Variants in TLN2 observed in about 807,000 individuals in gnomAD.
TLN2 encodes talin 2.
In TLN2, 118 loss-of-function variants were observed where a neutral mutation model predicts 294.7. The observed-to-expected ratio is 0.40, with a 90% CI of 0.34 to 0.47. The LOEUF (loss-of-function observed/expected upper bound fraction) is 0.47. Ranked by LOEUF, TLN2 falls within the 20% of genes least tolerant of loss-of-function variation. The pLI, the probability that TLN2 is intolerant of heterozygous loss-of-function variation, is 0.84. For missense variants in TLN2, 3,083 were observed against 3,282.2 expected, an observed-to-expected ratio of 0.94 and a Z score of 1.48; for synonymous variants, 1,431 against 1,304.5, an observed-to-expected ratio of 1.10 and a Z score of -2.09.
intron 7 of TLN2, 85 bp from the exon 8 acceptor site, chr15:62,655,859 T>C (rs1228529668): frequency 3.4e-6 from 5 of 1,454,136 alleles, no homozygotes; most frequent in Non-Finnish European, 4.7e-6. Flanking sequence ...TACAGAAATC[T>C]GCATCACACT....
chr15:62,465,646 A>G (rs1595870872), intron 1 of TLN2, among the ~76,000 whole-genome samples: 1 of 152,206 alleles, frequency 6.6e-6, no homozygotes, highest in African/African-American at 2.4e-5. Flanking sequence ...CATTTTCTCT[A>G]TCCATGAAAC....
intron 1 of TLN2, among the ~76,000 whole-genome samples, chr15:62,589,108 G>A (rs938575749): frequency 1.3e-5 from 2 of 151,982 alleles, no homozygotes; most frequent in East Asian, 1.9e-4. Context: ...TCACACAGGC[G>A]CCTGTTCCTT....
intron 54 of TLN2, 127 bp downstream of exon 54, chr15:62,820,737 A>G (rs2067491842): frequency 7.3e-6 from 9 of 1,233,988 alleles, no homozygotes; most frequent in Middle Eastern, 2.9e-4. Flanking sequence ...CAAGCAGAAA[A>G]CCGGATCTAC....
At chr15:62,449,436 G>A (rs917790187) in intron 1 of TLN2, among the ~76,000 whole-genome samples, 14 of 152,122 alleles carry the variant, frequency 9.2e-5, no homozygotes, top group Non-Finnish European at 1.9e-4. Flanking sequence ...AGCTGGCAGA[G>A]GGCAGGAAAG....
At chr15:62,769,526 T>C (rs2063221098) in intron 41 of TLN2, among the ~76,000 whole-genome samples, 1 of 152,242 alleles carries the variant, frequency 6.6e-6, no homozygotes, top group Admixed American at 6.5e-5. Context: ...AACCTCTCTG[T>C]AAGATAACCA....
At chr15:62,437,752 G>GTGTGTGTGTGT (rs1555407259) in intron 1 of TLN2, among the ~76,000 whole-genome samples, 1 of 150,310 alleles carries the variant, frequency 6.7e-6, no homozygotes, top group Non-Finnish European at 1.5e-5. Flanking sequence ...ACACCATGGG[G>GTGTGTGTGTGT]GTGTGTGTGT....
At chr15:62,474,697 C>T (rs1187310074) in intron 1 of TLN2, among the ~76,000 whole-genome samples, 2 of 152,180 alleles carry the variant, frequency 1.3e-5, no homozygotes, top group East Asian at 1.9e-4. Flanking sequence ...TTTAAATGGA[C>T]CCTGAGGCTG....
chr15:62,776,790 A>G lies in TLN2; in HGVS notation c.5394A>G (p.Thr1798=). 6.3e-7 allele frequency: 1 copy of G among 1,591,080 alleles called. No individual in the cohort carries two copies. The highest frequency in any genetic ancestry group is 8.6e-7 in the Non-Finnish European group (1 of 1,167,528). The part of the protein sequence containing the change: ...PKAQHTHDAI[T]EAAQLMKEAV... ...CACAACACACCCATGACGCCATCAC[A>G]GAGGCCGCCCAGTTGATGAAGGAAG... The change falls in exon 43 of 59, where the codon ACA becomes ACG. Residue 1798 remains threonine, a synonymous_variant. Transcript: ENST00000636159.
At chr15:62,407,632 C>T (rs2033485822) in intron 1 of TLN2, among the ~76,000 whole-genome samples, 2 of 152,224 alleles carry the variant, frequency 1.3e-5, no homozygotes, top group Admixed American at 6.5e-5. Context: ...AAGGTGCTTA[C>T]TGGGCTGGGC....
intron 38 of TLN2, 134 bp from the exon 39 acceptor site, chr15:62,762,138 C>A: frequency 9.1e-7 from 1 of 1,095,280 alleles, no homozygotes; most frequent in Non-Finnish European, 1.3e-6. Flanking sequence ...ATCCAGTCTT[C>A]ATGGTTCCCT....
At chr15:62,427,586 G>T (rs139354045) in intron 1 of TLN2, among the ~76,000 whole-genome samples, 1 of 152,196 alleles carries the variant, frequency 6.6e-6, no homozygotes, top group Non-Finnish European at 1.5e-5. Context: ...GATGAGACCA[G>T]CCTGGCACTC....
Position 62,459,319 on chromosome 15 carries a change from T to A in TLN2, c.-238+68634T>A, listed in dbSNP as rs897888657. 2.0e-4 allele frequency among the ~76,000 whole-genome samples: 21 copies of A among 106,196 alleles called. 1 individual carries two copies. Among genetic ancestry groups the A allele is most frequent in the Admixed American group, 7.5e-4 (7 of 9,312 alleles). The allele number at this position is 106,196 out of a possible 152,430, so 69.7% of individuals were successfully genotyped here. A position where few individuals can be genotyped will look rare whatever the true frequency, so the allele number is the denominator to read the frequency against. The stretch of plus-strand genomic sequence containing the variant: ...TCGGCCTTTTTTTTTTTTTTTTTTT[T>A]AAGTAAAATGGAGATCAGTTTGCTG... On this transcript the variant is annotated intron_variant, in intron 1 of 58. Transcript: ENST00000636159.
chr15:62,409,635 T>A (rs2459898), intron 1 of TLN2, among the ~76,000 whole-genome samples: 38,173 of 152,104 alleles, frequency 0.25, 5,685 homozygotes, highest in East Asian at 0.62. Flanking sequence ...ATTTTTGGAG[T>A]TAATTCAAGG....
chr15:62,728,065 C>T (rs751218193), intron 28 of TLN2, among the ~76,000 whole-genome samples: 6 of 152,192 alleles, frequency 3.9e-5, no homozygotes, highest in Admixed American at 1.3e-4. Context: ...CAAGAAGCCA[C>T]TACCAGGATC....
intron 2 of TLN2, among the ~76,000 whole-genome samples, chr15:62,604,423 G>C (rs1057279083): frequency 1.3e-5 from 2 of 150,916 alleles, no homozygotes; most frequent in Non-Finnish European, 2.9e-5. Context: ...TGCACCTCCC[G>C]TCCCAGCCAC....
At chr15:62,579,066 G>C (rs534621790) in intron 1 of TLN2, among the ~76,000 whole-genome samples, 1 of 152,204 alleles carries the variant, frequency 6.6e-6, no homozygotes, top group African/African-American at 2.4e-5. Context: ...TTAGAAAATG[G>C]GGGCCTTGGG....
chr15:62,551,992 T>G (rs548850314), intron 1 of TLN2, among the ~76,000 whole-genome samples: 11 of 152,344 alleles, frequency 7.2e-5, no homozygotes, highest in African/African-American at 2.4e-4. Flanking sequence ...GACAAAACAT[T>G]GACTTTATTC....
intron 1 of TLN2, among the ~76,000 whole-genome samples, chr15:62,484,234 T>G (rs1335792295): frequency 6.6e-6 from 1 of 152,180 alleles, no homozygotes; most frequent in East Asian, 1.9e-4. Context: ...GCTAGTGCTC[T>G]GGGCCACTGG....
intron 1 of TLN2, among the ~76,000 whole-genome samples, chr15:62,392,041 T>C (rs913710229): frequency 1.3e-5 from 2 of 152,262 alleles, no homozygotes; most frequent in African/African-American, 4.8e-5. Context: ...GCCTGGCCTG[T>C]GGTCGCCCCG....
Sources: gnomAD v4.1 joint callset for allele counts (sites outside exome capture counted in the v4.1 genomes callset) on GRCh38, gnomAD v4.1.1 for gene constraint, MANE v1.5 for transcripts, NCBI Gene and HGNC (gene_info 2026-07-23, HGNC 2026-07-21) for gene names.